HSPA12A: variants seen among roughly 807,000 people sequenced by gnomAD.
HSPA12A encodes the protein heat shock 70 kDa protein 12A.
In HSPA12A, 28 loss-of-function variants were observed where a neutral mutation model predicts 69.2. The ratio of observed to expected loss-of-function variants is 0.40; its 90% CI spans 0.30 to 0.55. The LOEUF (loss-of-function observed/expected upper bound fraction) is 0.55, where lower values mean the gene tolerates loss of function less well. Among genes scored for constraint, HSPA12A ranks in the 20% least tolerant of loss-of-function variants. HSPA12A has a pLI of 0.38. For missense variants in HSPA12A, 686 were observed against 900.7 expected, an observed-to-expected ratio of 0.76 and a Z score of 3.05; for synonymous variants, 345 against 370.5, an observed-to-expected ratio of 0.93 and a Z score of 0.79.
intron 6 of HSPA12A, among the ~76,000 whole-genome samples, chr10:116,685,064 A>C (rs1339005461): frequency 6.6e-6 from 1 of 152,202 alleles, no homozygotes; most frequent in Non-Finnish European, 1.5e-5. Flanking sequence ...ACGGAAGAAC[A>C]CTTCATCCCT....
At chr10:116,742,763 G>A (rs571944692), upstream of HSPA12A, among the ~76,000 whole-genome samples, 2 of 151,954 alleles carry the variant, frequency 1.3e-5, no homozygotes, top group East Asian at 3.9e-4. Context: ...GGCCCGCCGA[G>A]GCCCGGCCTC....
intron 2 of HSPA12A, among the ~76,000 whole-genome samples, chr10:116,789,876 G>A (rs1032755551): frequency 3.9e-5 from 6 of 152,042 alleles, no homozygotes; most frequent in African/African-American, 1.2e-4. Flanking sequence ...CGGATGCCCA[G>A]ACGTCCCTCT....
rs149842479 is a variant in HSPA12A at position 116,740,678 on chromosome 10, G to C, written c.40+1752C>G. On this transcript the variant is annotated intron_variant, in intron 1 of 11. Transcript: ENST00000369209. The stretch of plus-strand genomic sequence containing the variant: ...TGTGTGTGTGTGTGTGTGTGTGTCT[G>C]TGTGTGTGTGTGTGTGTGCGTGTGT... Among the ~76,000 whole-genome samples the C allele has an allele frequency of 8.4e-3, 427 of 50,582 alleles. 1 individual carries two copies. The highest frequency in any genetic ancestry group is 0.028 in the African/African-American group (373 of 13,310). 33.2% of individuals were successfully genotyped at this position (50,582 alleles called of 152,430 possible).
upstream of HSPA12A, among the ~76,000 whole-genome samples, chr10:116,744,878 C>T (rs1428244798): frequency 1.3e-5 from 2 of 152,194 alleles, no homozygotes; most frequent in South Asian, 2.1e-4. Context: ...GGAAGGGTTC[C>T]CACCTTCCTC....
intron 2 of HSPA12A, among the ~76,000 whole-genome samples, chr10:116,771,107 G>A (rs1476865632): frequency 7.2e-5 from 11 of 152,108 alleles, no homozygotes; most frequent in African/African-American, 1.4e-4. Flanking sequence ...TGTGGCTCCC[G>A]AGTCTGTAGA....
intron 1 of HSPA12A, among the ~76,000 whole-genome samples, chr10:116,838,232 A>G (rs1845749797): frequency 1.3e-5 from 2 of 151,746 alleles, no homozygotes; most frequent in African/African-American, 4.8e-5. Flanking sequence ...GGCTGGAAAC[A>G]GAAACCCCAT....
upstream of HSPA12A, chr10:116,849,909 G>C (rs1846020386): frequency 2.6e-6 from 2 of 772,200 alleles, no homozygotes; most frequent in East Asian, 5.3e-5. Context: ...ACACCCAGGG[G>C]TGAAGGGATC....
At chr10:116,786,784 T>A (rs1021971754) in intron 2 of HSPA12A, among the ~76,000 whole-genome samples, 1 of 152,042 alleles carries the variant, frequency 6.6e-6, no homozygotes, top group Non-Finnish European at 1.5e-5. Context: ...GGATTACAGG[T>A]GCCCACCACC....
chr10:116,724,696 CA>C (rs1314557211), intron 1 of HSPA12A, among the ~76,000 whole-genome samples: 2 of 152,212 alleles, frequency 1.3e-5, no homozygotes, highest in Non-Finnish European at 2.9e-5. Context: ...AGGTTTTACC[CA>C]AAACCTTCCC....
At chr10:116,841,787 C>CT (rs926419522) in intron 1 of HSPA12A, among the ~76,000 whole-genome samples, 23 of 147,506 alleles carry the variant, frequency 1.6e-4, no homozygotes, top group Non-Finnish European at 2.1e-4. Flanking sequence ...ACTGTTTTTT[C>CT]TTTTTTTTTT....
rs547420340 is a variant in HSPA12A, at chr10:116,702,105, T to A, written c.255-976A>T. ...GCCTGGGCAACACAGCAAGACCCTA[T>A]CTCTAAAAAGAAATGACAGAGAGAG... On this transcript the variant is annotated intron_variant, in intron 3 of 11. Transcript: ENST00000369209. Among the ~76,000 whole-genome samples the A allele has an allele frequency of 2.8e-5, 4 of 143,774 alleles. No homozygotes were observed. The South Asian group carries it at 9.3e-4, about 34-fold the overall frequency. The allele number at this position is 143,774 out of a possible 152,430, so 94.3% of individuals were successfully genotyped here.
intron 2 of HSPA12A, among the ~76,000 whole-genome samples, chr10:116,813,445 C>T (rs1191548544): frequency 6.6e-6 from 1 of 151,862 alleles, no homozygotes; most frequent in African/African-American, 2.4e-5. Context: ...GACAGGGTTT[C>T]ACCGTGTTAG....
intron 2 of HSPA12A, among the ~76,000 whole-genome samples, chr10:116,769,444 G>A (rs575842216): frequency 1.3e-5 from 2 of 152,320 alleles, no homozygotes; most frequent in East Asian, 1.9e-4. Context: ...TGAGGGCCAG[G>A]ACTTGGGGTG....
chr10:116,849,837 A>C, upstream of HSPA12A: 1 of 1,294,876 alleles, frequency 7.7e-7, no homozygotes. Flanking sequence ...CTCGCATGCC[A>C]GCCGCCCGGG....
chr10:116,713,303 C>T lies in HSPA12A; in HGVS notation c.41-6018G>A, dbSNP rs567497844. ...TCCATTTCAGTAAATAATTTATGGG[C>T]TGTTTTTAATCACTATGGTGGATGT... On this transcript the variant is annotated intron_variant, in intron 1 of 11. Coordinates refer to ENST00000369209, the MANE Select transcript of HSPA12A (RefSeq NM_025015.3). 3.3e-5 allele frequency among the ~76,000 whole-genome samples: 5 copies of T among 152,118 alleles called. No individual in the cohort carries two copies. In the East Asian group the frequency reaches 9.7e-4, roughly 30 times the overall value.
At chr10:116,845,549 G>T (rs1845866748) in intron 1 of HSPA12A, among the ~76,000 whole-genome samples, 1 of 152,078 alleles carries the variant, frequency 6.6e-6, no homozygotes, top group Non-Finnish European at 1.5e-5. Flanking sequence ...GGAGAGTACA[G>T]TCCTACCCTC....
At chr10:116,746,757 G>GGCAAGATT (rs782093967), upstream of HSPA12A, among the ~76,000 whole-genome samples, 1 of 152,154 alleles carries the variant, frequency 6.6e-6, no homozygotes, top group Non-Finnish European at 1.5e-5. Context: ...AATGGATCCA[G>GGCAAGATT]GCAAGATTTT....
chr10:116,814,937 CCATCAGATGGAGAGCAGA>C (rs1308036198), intron 2 of HSPA12A, among the ~76,000 whole-genome samples: 1 of 152,126 alleles, frequency 6.6e-6, no homozygotes, highest in Non-Finnish European at 1.5e-5. Flanking sequence ...TTCCTAAAAC[CCATCAGATGGAGAGCAGA>C]CAGCAAAGGG....
chr10:116,732,595 C>A (rs1851195710), intron 1 of HSPA12A, among the ~76,000 whole-genome samples: 1 of 152,222 alleles, frequency 6.6e-6, no homozygotes, highest in Non-Finnish European at 1.5e-5. Flanking sequence ...AGTGAGGGAA[C>A]ACACAAGAGA....
Sources: gnomAD v4.1 joint callset for allele counts (sites outside exome capture counted in the v4.1 genomes callset) on GRCh38, gnomAD v4.1.1 for gene constraint, MANE v1.5 for transcripts, NCBI Gene and HGNC (gene_info 2026-07-23, HGNC 2026-07-21) for gene names.